Variants in KCNJ6 observed in about 807,000 individuals in gnomAD.
KCNJ6 encodes the protein potassium inwardly rectifying channel subfamily J member 6, also known as G protein-activated inward rectifier potassium channel 2.
A neutral mutation model predicts 34.2 loss-of-function variants in KCNJ6; 9 were observed. That is an observed-to-expected ratio of 0.26 (90% confidence interval 0.16 to 0.46). The LOEUF is 0.46. Ranked by LOEUF, KCNJ6 falls within the 20% of genes least tolerant of loss-of-function variation. KCNJ6 has a pLI of 1.00. For missense variants in KCNJ6, 236 were observed against 531.3 expected (o/e 0.44, Z 5.46); for synonymous variants, 196 against 207.1 (o/e 0.95, Z 0.46).
intron 3 of KCNJ6, among the ~76,000 whole-genome samples, chr21:37,705,005 G>A (rs560357252): frequency 6.6e-6 from 1 of 152,102 alleles, no homozygotes. Flanking sequence ...ACTGGAGGGT[G>A]GGAGCCTCTA....
At chr21:37,864,362 C>T (rs1182499668) in intron 1 of KCNJ6, among the ~76,000 whole-genome samples, 45 of 152,174 alleles carry the variant, frequency 3.0e-4, no homozygotes, top group Non-Finnish European at 7.4e-5. Flanking sequence ...CCACCTGCCT[C>T]AGCCTCCCAA....
Position 37,613,574 on chromosome 21 carries a change from A to G in KCNJ6, c.*11585T>C, listed in dbSNP as rs556788035. 6.6e-6 allele frequency: 1 copy of G among 152,294 alleles called. No homozygotes were observed. Among genetic ancestry groups the G allele is most frequent in the African/African-American group, 2.4e-5 (1 of 41,566 alleles). 9.4% of individuals were successfully genotyped at this position (152,294 alleles called of 1,614,324 possible). On this transcript the variant is annotated 3_prime_UTR_variant, in exon 4 of 4. Coordinates refer to ENST00000609713, the MANE Select transcript of KCNJ6 (RefSeq NM_002240.5). Reference sequence around the variant, plus strand: ...CAGTGGTACATCCAGAAAATGGATGAGTGTTTGGTGCTAAAAAAGTGAGCT... The same window carrying G: ...CAGTGGTACATCCAGAAAATGGATGGGTGTTTGGTGCTAAAAAAGTGAGCT...
intron 1 of KCNJ6, among the ~76,000 whole-genome samples, chr21:37,897,048 TGAGC>T (rs1289650284): frequency 2.0e-5 from 3 of 152,316 alleles, no homozygotes; most frequent in East Asian, 3.9e-4. Flanking sequence ...TGTGGGAGGC[TGAGC>T]TTTGCCTGTA....
At position 37,654,681 on chromosome 21, in the gene KCNJ6, C is replaced by T. The variant is rs147007670; in HGVS notation, c.947-29197G>A. Among the ~76,000 whole-genome samples, 365 of 152,334 alleles carry T rather than the reference C, an allele frequency of 2.4e-3. 10 individuals carry two copies. In the South Asian group the frequency reaches 0.06, roughly 25 times the overall value. On this transcript the variant is annotated intron_variant, in intron 3 of 3. Transcript: ENST00000609713. ...CAGCAGGCAGGGGTGGTTCTTGCTA[C>T]TTCCATTTCACTGATGAGCAAATCT...
intron 3 of KCNJ6, among the ~76,000 whole-genome samples, chr21:37,627,789 A>G (rs1295172577): frequency 7.6e-6 from 1 of 131,430 alleles, no homozygotes; most frequent in Non-Finnish European, 1.6e-5. Context: ...GTCTCTGTGC[A>G]AGTAGGAGGT....
chr21:37,765,126 T>G (rs1266722322), intron 2 of KCNJ6, among the ~76,000 whole-genome samples: 1 of 152,240 alleles, frequency 6.6e-6, no homozygotes, highest in Non-Finnish European at 1.5e-5. Context: ...TTATAATCTT[T>G]CTACTTATTT....
intron 2 of KCNJ6, among the ~76,000 whole-genome samples, chr21:37,762,411 T>A (rs1404503948): frequency 6.6e-6 from 1 of 152,126 alleles, no homozygotes; most frequent in Non-Finnish European, 1.5e-5. Context: ...TCATTAGAAA[T>A]TTTTAAAAAC....
chr21:37,800,985 G>A (rs2055266460), intron 2 of KCNJ6, among the ~76,000 whole-genome samples: 1 of 152,176 alleles, frequency 6.6e-6, no homozygotes, highest in Non-Finnish European at 1.5e-5. Context: ...AGGGAAGACG[G>A]ATGTTGGGGA....
chr21:37,761,261 T>TGTGTTGTGTGTGGTA (rs1288703840), intron 2 of KCNJ6, among the ~76,000 whole-genome samples: 1 of 150,224 alleles, frequency 6.7e-6, no homozygotes, highest in Non-Finnish European at 1.5e-5. Flanking sequence ...GTGGTATATG[T>TGTGTTGTGTGTGGTA]GTGTTGTGTG....
chr21:37,782,884 A>G (rs934717840), intron 2 of KCNJ6, among the ~76,000 whole-genome samples: 2 of 152,112 alleles, frequency 1.3e-5, no homozygotes, highest in Admixed American at 6.6e-5. Flanking sequence ...CTGAAATGTG[A>G]CCTGATTTGT....
chr21:37,701,165 T>C (rs2054689010), intron 3 of KCNJ6, among the ~76,000 whole-genome samples: 1 of 152,142 alleles, frequency 6.6e-6, no homozygotes, highest in African/African-American at 2.4e-5. Context: ...ACCTCTATAC[T>C]GACGGAGGTG....
At chr21:37,748,186 T>C (rs2054977379) in intron 2 of KCNJ6, among the ~76,000 whole-genome samples, 1 of 152,208 alleles carries the variant, frequency 6.6e-6, no homozygotes, top group African/African-American at 2.4e-5. Flanking sequence ...ACGTGAACAC[T>C]TCCAACCCTG....
At chr21:37,871,549 C>A (rs148752563) in intron 1 of KCNJ6, among the ~76,000 whole-genome samples, 41 of 152,342 alleles carry the variant, frequency 2.7e-4, no homozygotes, top group African/African-American at 9.6e-4. Flanking sequence ...CAACCACACC[C>A]TGGGCTCTGA....
rs1470562315 is a variant in KCNJ6 at position 37,617,017 on chromosome 21, T to TTTCC, written c.*8141_*8142insGGAA. The stretch of plus-strand genomic sequence containing the variant: ...TTTCTTTCTCTTTCTTTTCTCTTTC[T>TTTCC]TTCTTTCTTTCTTTCTTTCTTTCTT... On this transcript the variant is annotated 3_prime_UTR_variant, in exon 4 of 4. Transcript: ENST00000609713. The TTTCC allele has an allele frequency of 4.2e-4, 9 of 21,424 alleles. No individual in the cohort carries two copies. Among genetic ancestry groups the TTTCC allele is most frequent in the Admixed American group, 1.7e-3 (3 of 1,746 alleles). 1.3% of individuals were successfully genotyped at this position (21,424 alleles called of 1,614,324 possible). A position where few individuals can be genotyped will look rare whatever the true frequency, so the allele number is the denominator to read the frequency against.
chr21:37,846,351 CTCTGTGTGTGTGTGTGTGTGTG>C (rs2055507496), intron 1 of KCNJ6, among the ~76,000 whole-genome samples: 1 of 129,968 alleles, frequency 7.7e-6, no homozygotes, highest in Non-Finnish European at 1.6e-5. Context: ...GGCTGAGACA[CTCTGTGTGTGTGTGTGTGTGTG>C]TGTGTGTGTG....
intron 2 of KCNJ6, among the ~76,000 whole-genome samples, chr21:37,735,997 T>TCTCA (rs61409941): frequency 0.074 from 11,246 of 152,244 alleles, 440 homozygotes; most frequent in African/African-American, 0.094. Flanking sequence ...CCCTCCGGGC[T>TCTCA]CTGACTTTTT....
intron 2 of KCNJ6, among the ~76,000 whole-genome samples, chr21:37,759,109 G>T (rs2055047023): frequency 6.6e-6 from 1 of 152,196 alleles, no homozygotes; most frequent in South Asian, 2.1e-4. Flanking sequence ...ACTGTTCCAT[G>T]TTTGAGGCTG....
intron 1 of KCNJ6, among the ~76,000 whole-genome samples, chr21:37,909,113 A>T (rs536143138): frequency 9.2e-5 from 14 of 152,324 alleles, no homozygotes; most frequent in African/African-American, 3.1e-4. Flanking sequence ...AGATCTTAGA[A>T]GCCATGTACT....
chr21:37,860,556 C>T lies in KCNJ6; in HGVS notation c.-27-19847G>A, dbSNP rs191717563. Among the ~76,000 whole-genome samples the T allele has an allele frequency of 5.3e-5, 8 of 152,302 alleles. No individual in the cohort carries two copies. In the East Asian group the frequency reaches 1.5e-3, roughly 29 times the overall value. On this transcript the variant is annotated intron_variant, in intron 1 of 3. Coordinates refer to ENST00000609713, the MANE Select transcript of KCNJ6 (RefSeq NM_002240.5). ...CAGCACACTTGTGATAAGATCTAAG[C>T]TTCAGGTGGCATGGAGTTCCTGCAG...
Sources: allele counts gnomAD v4.1 joint callset (sites outside exome capture counted in the v4.1 genomes callset), GRCh38; gene constraint gnomAD v4.1.1; transcripts MANE v1.5; gene names NCBI Gene and HGNC (gene_info 2026-07-23, HGNC 2026-07-21).